Variants in RALB observed in about 807,000 individuals in gnomAD.
The protein encoded by RALB is RAS like proto-oncogene B, also known as ras-related protein Ral-B.
Under a neutral mutation model 21.3 loss-of-function variants are expected in RALB, and 16 were observed. The ratio of observed to expected loss-of-function variants is 0.75; its 90% CI spans 0.51 to 1.14. The LOEUF (loss-of-function observed/expected upper bound fraction) is 1.14, where lower values mean the gene tolerates loss of function less well. Among genes scored for constraint, RALB ranks in the 50% most tolerant of loss-of-function variants. The probability of loss-of-function intolerance (pLI) is 0.00; values close to 1 mark genes in which losing one functional copy is unlikely to be tolerated. For missense variants in RALB, 161 were observed against 256.2 expected (o/e 0.63, Z 2.54); for synonymous variants, 93 against 96.1 (o/e 0.97, Z 0.19).
chr2:120,261,829 G>C (rs185248662), intron 1 of RALB, among the ~76,000 whole-genome samples: 5 of 152,290 alleles, frequency 3.3e-5, no homozygotes, highest in African/African-American at 1.2e-4. Context: ...GGTGTCAAGA[G>C]GGCAGAGAAT....
intron 1 of RALB, among the ~76,000 whole-genome samples, chr2:120,261,460 A>T (rs1403195191): frequency 6.6e-6 from 1 of 152,182 alleles, no homozygotes; most frequent in Non-Finnish European, 1.5e-5. Context: ...TCTCTGGGAC[A>T]AATGAGGTTA....
intron 1 of RALB, among the ~76,000 whole-genome samples, chr2:120,265,669 G>A (rs1396668215): frequency 6.6e-6 from 1 of 152,210 alleles, no homozygotes; most frequent in Non-Finnish European, 1.5e-5. Flanking sequence ...CTCAGAGTAT[G>A]GACTGCTAGG....
chr2:120,241,186 G>A (rs930552731), intron 1 of RALB, among the ~76,000 whole-genome samples: 3 of 152,196 alleles, frequency 2.0e-5, no homozygotes, highest in East Asian at 1.9e-4. Context: ...GCTCATCCTC[G>A]AGCCTGCCCA....
chr2:120,280,627 TC>T (rs1200652467), intron 2 of RALB, among the ~76,000 whole-genome samples: 5 of 151,706 alleles, frequency 3.3e-5, no homozygotes, highest in Non-Finnish European at 7.4e-5. Context: ...AGATGATGGG[TC>T]GATAGGTGCA....
intron 4 of RALB, 39 bp from the exon 5 acceptor site, chr2:120,293,102 T>C (rs1451360514): frequency 6.5e-7 from 1 of 1,543,412 alleles, no homozygotes; most frequent in Non-Finnish European, 8.7e-7. Flanking sequence ...AATGGCTCTT[T>C]CTTCACTATT....
At chr2:120,271,508 CCT>C (rs1187267055) in intron 1 of RALB, among the ~76,000 whole-genome samples, 2 of 152,182 alleles carry the variant, frequency 1.3e-5, no homozygotes, top group South Asian at 2.1e-4. Context: ...GCAATGACTC[CCT>C]GTTTTCTCTA....
chr2:120,258,251 G>A (rs1689246015), intron 1 of RALB, among the ~76,000 whole-genome samples: 1 of 152,212 alleles, frequency 6.6e-6, no homozygotes, highest in Non-Finnish European at 1.5e-5. Context: ...TACCTCCTCA[G>A]TGTCATCTTG....
intron 3 of RALB, among the ~76,000 whole-genome samples, chr2:120,289,244 G>GT (rs11344022): frequency 2.5e-4 from 34 of 134,990 alleles, no homozygotes; most frequent in South Asian, 9.2e-4. Flanking sequence ...TCTTCTTTTT[G>GT]TTTTTTTTTT....
intron 2 of RALB, among the ~76,000 whole-genome samples, chr2:120,284,040 T>C (rs1398734458): frequency 6.6e-6 from 1 of 152,178 alleles, no homozygotes; most frequent in Non-Finnish European, 1.5e-5. Flanking sequence ...GTTGAGATAA[T>C]TTATGGTAGA....
chr2:120,283,771 A>C (rs3931840), intron 2 of RALB, among the ~76,000 whole-genome samples: 105,774 of 152,190 alleles, frequency 0.7, 37,361 homozygotes, highest in Middle Eastern at 0.8. Flanking sequence ...TGGGCATCTG[A>C]AACTGAGCCA....
chr2:120,269,195 T>C (rs62168279), intron 1 of RALB, among the ~76,000 whole-genome samples: 69,456 of 151,986 alleles, frequency 0.46, 17,472 homozygotes, highest in Middle Eastern at 0.67. Flanking sequence ...GTGTTACAGC[T>C]CTTAAACGTG....
chr2:120,252,746 C>A, upstream of RALB: 1 of 978,566 alleles, frequency 1.0e-6, no homozygotes, highest in South Asian at 4.7e-5. Context: ...GGCTGACAGC[C>A]CCCCGACGGG....
intron 2 of RALB, among the ~76,000 whole-genome samples, chr2:120,284,553 C>T (rs1690077345): frequency 3.3e-5 from 5 of 152,192 alleles, no homozygotes; most frequent in Admixed American, 2.0e-4. Flanking sequence ...TGTGCACCAC[C>T]ATACCTGGCT....
At chr2:120,261,879 A>G (rs189668454) in intron 1 of RALB, among the ~76,000 whole-genome samples, 1 of 152,230 alleles carries the variant, frequency 6.6e-6, no homozygotes, top group Non-Finnish European at 1.5e-5. Flanking sequence ...AGCAAGAAGG[A>G]TGGAGGCTGA....
chr2:120,286,152 T>C (rs1167678107), intron 3 of RALB, 70 bp downstream of exon 3: 5 of 1,347,354 alleles, frequency 3.7e-6, no homozygotes, highest in Non-Finnish European at 5.3e-6. Context: ...CTTAGGCCTA[T>C]GAAGAATTTG....
chr2:120,275,850 G>T (rs888777155), intron 1 of RALB, among the ~76,000 whole-genome samples: 3 of 152,168 alleles, frequency 2.0e-5, no homozygotes, highest in Non-Finnish European at 4.4e-5. Context: ...AGCAGAAATT[G>T]AATAGGAGAA....
chr2:120,245,797 G>T (rs1360303645), intron 1 of RALB, among the ~76,000 whole-genome samples: 2 of 152,180 alleles, frequency 1.3e-5, no homozygotes, highest in Non-Finnish European at 2.9e-5. Flanking sequence ...GCCTTGGTGG[G>T]GACCTGCCAG....
At chr2:120,276,495 C>T (rs1406566064) in intron 1 of RALB, among the ~76,000 whole-genome samples, 1 of 151,890 alleles carries the variant, frequency 6.6e-6, no homozygotes, top group Non-Finnish European at 1.5e-5. Flanking sequence ...CCCAGCTACT[C>T]AGGAGGCTGA....
At chr2:120,278,262 G>A (rs181528569) in intron 1 of RALB, among the ~76,000 whole-genome samples, 150 of 152,312 alleles carry the variant, frequency 9.8e-4, no homozygotes, top group Non-Finnish European at 1.7e-3. Flanking sequence ...GCCGAGAACC[G>A]AGCAGAGAGG....
Sources: gnomAD v4.1 joint callset for allele counts (sites outside exome capture counted in the v4.1 genomes callset) on GRCh38, gnomAD v4.1.1 for gene constraint, MANE v1.5 for transcripts, NCBI Gene and HGNC (gene_info 2026-07-23, HGNC 2026-07-21) for gene names.